The following ATP6V0A4 variants were observed in gnomAD, a reference collection of about 807,000 sequenced individuals.
ATP6V0A4 encodes ATPase H+ transporting V0 subunit a4.
A neutral mutation model predicts 107.3 loss-of-function variants in ATP6V0A4; 86 were observed. The observed-to-expected ratio is 0.80, with a 90% CI of 0.67 to 0.96. ATP6V0A4 has a LOEUF of 0.96. ATP6V0A4 is among the 40% of genes least tolerant of loss of function. The probability of loss-of-function intolerance (pLI) is 0.00; values close to 1 mark genes in which losing one functional copy is unlikely to be tolerated. For synonymous variants in ATP6V0A4, 353 were observed against 381.4 expected (o/e 0.93, Z 0.87); for missense variants, 908 against 1,045.6 (o/e 0.87, Z 1.81).
At chr7:138,709,354 C>G (rs1223044319) in intron 21 of ATP6V0A4, among the ~76,000 whole-genome samples, 1 of 151,274 alleles carries the variant, frequency 6.6e-6, no homozygotes, top group Non-Finnish European at 1.5e-5. Context: ...CACTGATCAT[C>G]TAAAAGGGAA....
At chr7:138,726,173 T>C (rs2117222814) in intron 18 of ATP6V0A4, among the ~76,000 whole-genome samples, 1 of 152,060 alleles carries the variant, frequency 6.6e-6, no homozygotes, top group South Asian at 2.1e-4. Context: ...GTATTTTTAG[T>C]AGAGACGGGG....
chr7:138,727,999 A>G (rs1042666985), intron 18 of ATP6V0A4, among the ~76,000 whole-genome samples: 1 of 152,202 alleles, frequency 6.6e-6, no homozygotes, highest in Non-Finnish European at 1.5e-5. Flanking sequence ...GAATTTGTTT[A>G]CTCTTCTAAT....
chr7:138,732,608 A>G lies in ATP6V0A4; in HGVS notation c.1908+269T>C, dbSNP rs141741258. Among the ~76,000 whole-genome samples the G allele has an allele frequency of 0.013, 1,915 of 152,192 alleles. 18 individuals carry two copies. Among genetic ancestry groups the G allele is most frequent in the Non-Finnish European group, 0.018 (1,203 of 68,010 alleles). On this transcript the variant is annotated intron_variant, in intron 17 of 21. Coordinates refer to ENST00000310018, the MANE Select transcript of ATP6V0A4 (RefSeq NM_020632.3). ...CATGAGTTCGAGAGCAGCCTGGCCA[A>G]CATGGTGAAATCCTGTCTCTACTAA...
At chr7:138,787,021 G>T (rs1226540534) in intron 1 of ATP6V0A4, among the ~76,000 whole-genome samples, 2 of 152,142 alleles carry the variant, frequency 1.3e-5, no homozygotes, top group Non-Finnish European at 2.9e-5. Context: ...GAAACTTCGA[G>T]ATCACCTGAT....
intron 10 of ATP6V0A4, among the ~76,000 whole-genome samples, chr7:138,753,291 A>T (rs1413634317): frequency 6.6e-6 from 1 of 152,222 alleles, no homozygotes; most frequent in Non-Finnish European, 1.5e-5. Flanking sequence ...GCAGAGAAGT[A>T]GGCACTTGCA....
At chr7:138,740,237 G>A (rs1805557061) in intron 14 of ATP6V0A4, among the ~76,000 whole-genome samples, 1 of 151,996 alleles carries the variant, frequency 6.6e-6, no homozygotes, top group South Asian at 2.1e-4. Context: ...AGAAACCCCA[G>A]CCCAGGGACA....
At chr7:138,771,858 T>C (rs986084732) in intron 2 of ATP6V0A4, among the ~76,000 whole-genome samples, 3 of 148,482 alleles carry the variant, frequency 2.0e-5, no homozygotes, top group African/African-American at 7.4e-5. Flanking sequence ...TGGACTGAAG[T>C]GATCCTCCCA....
rs544093760 is a variant in ATP6V0A4, at chr7:138,736,069, A to AAAAC, written c.1573-1819_1573-1816dup. ...GGCAACAAAAGTGAAACTCCATCTC[A>AAAAC]AAACAAACAAACAAACAAACAAAAA... On this transcript the variant is annotated intron_variant, in intron 15 of 21. Transcript: ENST00000310018. 1.9e-4 allele frequency among the ~76,000 whole-genome samples: 27 copies of AAAAC among 142,660 alleles called. No individual in the cohort carries two copies. In the Middle Eastern group the frequency reaches 0.012, roughly 63 times the overall value. 93.6% of individuals were successfully genotyped at this position (142,660 alleles called of 152,430 possible).
intron 14 of ATP6V0A4, among the ~76,000 whole-genome samples, chr7:138,740,690 C>T (rs1385881279): frequency 1.3e-5 from 2 of 151,706 alleles, no homozygotes; most frequent in Non-Finnish European, 2.9e-5. Context: ...GATCCGCCTG[C>T]CTCGGCCTCC....
In ATP6V0A4 at chr7:138,734,178, A is replaced by C. The variant is rs757803112; in HGVS notation, c.1649T>G (p.Val550Gly). ...GAGGATGACACCGAAAACCATCTGGACAATTCCCAGGATCACCGACATCTT... is the reference window on the plus strand; with the variant it reads ...GAGGATGACACCGAAAACCATCTGGCCAATTCCCAGGATCACCGACATCTT... ...KMKMSVILGI[V>G]QMVFGVILSL... The change falls in exon 16 of 22, where the codon GTC becomes GGC. Residue 550 changes from valine to glycine, a missense_variant. Physicochemically the swap from Val to Gly is moderately radical, Grantham distance 109. Coordinates refer to ENST00000310018, the MANE Select transcript of ATP6V0A4 (RefSeq NM_020632.3). 13 of 1,613,856 alleles carry C rather than the reference A, an allele frequency of 8.1e-6. 1 individual carries two copies. The highest frequency in any genetic ancestry group is 1.6e-4 in the Middle Eastern group (1 of 6,062).
intron 14 of ATP6V0A4, chr7:138,739,844 A>G: frequency 2.3e-6 from 1 of 427,026 alleles, no homozygotes; most frequent in Non-Finnish European, 3.1e-6. Context: ...CTGATGTGCT[A>G]TAGTAAAGAA....
intron 2 of ATP6V0A4, among the ~76,000 whole-genome samples, chr7:138,784,997 G>C (rs911543954): frequency 2.0e-5 from 3 of 152,126 alleles, no homozygotes. Flanking sequence ...TTGTACCCAG[G>C]ATTAGGAAAA....
At chr7:138,786,915 G>T (rs1237647740) in intron 1 of ATP6V0A4, among the ~76,000 whole-genome samples, 1 of 150,524 alleles carries the variant, frequency 6.6e-6, no homozygotes, top group African/African-American at 2.4e-5. Flanking sequence ...TTCTAAAAAA[G>T]AAAAAAAAAG....
chr7:138,784,223 TATATATATATAC>T (rs1808044859), intron 2 of ATP6V0A4, among the ~76,000 whole-genome samples: 1 of 87,212 alleles, frequency 1.1e-5, no homozygotes, highest in African/African-American at 6.2e-5. Flanking sequence ...ATTATATATA[TATATATATATAC>T]GTATATATAT....
In ATP6V0A4 at chr7:138,709,716, A is replaced by T. The variant is rs200031399; in HGVS notation, c.2337T>A (p.Phe779Leu). 4.3e-6 allele frequency: 7 copies of T among 1,613,954 alleles called. No homozygotes were observed. The Admixed American group carries it at 1.2e-4, about 27-fold the overall frequency. Residue 779 changes from phenylalanine (F) to leucine (L), a missense_variant, in exon 21 of 22, where the codon TTT becomes TTA. Transcript: ENST00000310018. ...GGACAGCAAATACGGCAAAAATAAT[A>T]AAAACCCCGACGATTCCTCCCCAGC... ...TRGWGGIVGV[F>L]IIFAVFAVLT...
chr7:138,741,396 G>T (rs2117261443), intron 14 of ATP6V0A4, among the ~76,000 whole-genome samples: 1 of 152,182 alleles, frequency 6.6e-6, no homozygotes, highest in South Asian at 2.1e-4. Context: ...GCAAATGGCT[G>T]GATTTCCATA....
chr7:138,784,796 T>C (rs1371297544), intron 2 of ATP6V0A4, among the ~76,000 whole-genome samples: 1 of 152,198 alleles, frequency 6.6e-6, no homozygotes, highest in East Asian at 1.9e-4. Context: ...TTCCCATTCT[T>C]TAGACAAGTC....
intron 18 of ATP6V0A4, among the ~76,000 whole-genome samples, chr7:138,722,743 T>TAA (rs1804488375): frequency 1.8e-4 from 2 of 11,122 alleles, no homozygotes; most frequent in African/African-American, 9.1e-4. Context: ...AGACTCCATC[T>TAA]CAAAAAAAAA....
chr7:138,784,322 A>ATT lies in ATP6V0A4; in HGVS notation c.-18+1834_-18+1835dup, dbSNP rs71169059. Among the ~76,000 whole-genome samples the ATT allele has an allele frequency of 2.7e-4, 33 of 122,264 alleles. 1 individual carries two copies. Among genetic ancestry groups the ATT allele is most frequent in the African/African-American group, 1.1e-3 (30 of 27,452 alleles). The allele number at this position is 122,264 out of a possible 152,430, so 80.2% of individuals were successfully genotyped here. ...CACACACACACATATATATATATGT[A>ATT]TTTTTTTTTTTTTTGAGATGGAGTC... is the stretch of plus-strand genomic sequence containing the variant. On this transcript the variant is annotated intron_variant, in intron 2 of 21. Transcript: ENST00000310018.
Sources: gnomAD v4.1 joint callset for allele counts (sites outside exome capture counted in the v4.1 genomes callset) on GRCh38, gnomAD v4.1.1 for gene constraint, MANE v1.5 for transcripts, NCBI Gene and HGNC (gene_info 2026-07-23, HGNC 2026-07-21) for gene names.